The following AGAP2 variants were observed in gnomAD, a reference collection of about 807,000 sequenced individuals.
AGAP2 encodes the protein arf-GAP with GTPase, ANK repeat and PH domain-containing protein 2.
A neutral mutation model predicts 110.9 loss-of-function variants in AGAP2; 32 were observed. The ratio of observed to expected loss-of-function variants is 0.29; its 90% CI spans 0.22 to 0.39. The LOEUF is 0.39. Among genes scored for constraint, AGAP2 ranks in the 10% least tolerant of loss-of-function variants. The pLI is 1.00. For synonymous variants in AGAP2, 702 were observed against 713.0 expected, an observed-to-expected ratio of 0.98 and a Z score of 0.25; for missense variants, 1,285 against 1,638.5, an observed-to-expected ratio of 0.78 and a Z score of 3.72.
chr12:57,741,452 CGT>C (rs148891707), upstream of AGAP2, among the ~76,000 whole-genome samples: 66 of 150,666 alleles, frequency 4.4e-4, no homozygotes, highest in South Asian at 0.012. Flanking sequence ...AATGTGCATG[CGT>C]GTGTGTGTGT....
At chr12:57,741,833 T>G, upstream of AGAP2, 1 of 1,506,340 alleles carries the variant, frequency 6.6e-7, no homozygotes, top group Non-Finnish European at 9.1e-7. Context: ...GACTGGGAAT[T>G]GATATATGAT....
chr12:57,733,099 G>T, intron 5 of AGAP2, 120 bp from the exon 6 acceptor site: 1 of 1,318,408 alleles, frequency 7.6e-7, no homozygotes, highest in Non-Finnish European at 1.1e-6. Flanking sequence ...GGGTGTGAGA[G>T]ATCATCTTTT....
At chr12:57,727,804 G>A in intron 15 of AGAP2, 33 bp from the exon 16 acceptor site, 1 of 1,573,212 alleles carries the variant, frequency 6.4e-7, no homozygotes, top group Non-Finnish European at 8.6e-7. Context: ...CACTGACTCT[G>A]CCTCCAAGCC....
chr12:57,741,468 TATGTGTGTGC>T (rs1193268509), upstream of AGAP2, among the ~76,000 whole-genome samples: 1 of 152,110 alleles, frequency 6.6e-6, no homozygotes, highest in Non-Finnish European at 1.5e-5. Context: ...TGTGTGTGTG[TATGTGTGTGC>T]ATGTGTTTCT....
At chr12:57,728,198 G>A (rs1393549166) in intron 14 of AGAP2, 113 bp from the exon 15 acceptor site, 18 of 1,518,232 alleles carry the variant, frequency 1.2e-5, no homozygotes, top group Non-Finnish European at 1.6e-5. Flanking sequence ...GGGGCAGTGG[G>A]GGTAGGGAAA....
At chr12:57,727,863 G>A in intron 15 of AGAP2, 74 bp downstream of exon 15, 3 of 1,602,706 alleles carry the variant, frequency 1.9e-6, no homozygotes, top group South Asian at 1.1e-5. Flanking sequence ...GACTTCGGCC[G>A]TGTCGTTGCC....
In AGAP2 at chr12:57,727,059, G is replaced by T. The variant is rs1954781051; in HGVS notation, c.3251C>A (p.Thr1084Asn). ...LAHARHGPLD[T>N]SVEDPQLRSP... Reference sequence around the variant, plus strand: ...GCGCAGCTGTGGGTCCTCTACGCTGGTGTCGAGCGGCCCGTGTCGCGCATG... The same window carrying T: ...GCGCAGCTGTGGGTCCTCTACGCTGTTGTCGAGCGGCCCGTGTCGCGCATG... The change falls in exon 18 of 19, where the codon ACC becomes AAC. Residue 1084 changes from threonine to asparagine, a missense_variant. By Grantham distance (65) the Thr-to-Asn change is moderately conservative. Transcript: ENST00000547588. 1 of 1,601,970 alleles carries T rather than the reference G, an allele frequency of 6.2e-7. No homozygotes were observed. The highest frequency in any genetic ancestry group is 1.1e-5 in the South Asian group (1 of 89,678).
upstream of AGAP2, among the ~76,000 whole-genome samples, chr12:57,740,233 C>T (rs994439435): frequency 2.0e-5 from 3 of 152,104 alleles, no homozygotes; most frequent in South Asian, 6.2e-4. Context: ...GGGGCTGAGC[C>T]AGGATGCCAG....
At chr12:57,734,700 C>G (rs1954948164) in intron 2 of AGAP2, 21 bp from the exon 3 acceptor site, 1 of 1,612,236 alleles carries the variant, frequency 6.2e-7, no homozygotes, top group East Asian at 2.2e-5. Context: ...GGTTGTGGAG[C>G]AGAAATTGTG....
At chr12:57,733,067 C>A in intron 5 of AGAP2, 88 bp from the exon 6 acceptor site, 1 of 1,549,474 alleles carries the variant, frequency 6.5e-7, no homozygotes, top group Non-Finnish European at 8.8e-7. Flanking sequence ...ACTGGGCCCT[C>A]AGGCTGGGTC....
At chr12:57,732,304 C>T (rs969696443) in intron 7 of AGAP2, 99 bp downstream of exon 7, 115 of 1,127,140 alleles carry the variant, frequency 1.0e-4, no homozygotes, top group South Asian at 4.4e-4. Context: ...TCTGTTTCCC[C>T]ACTCCCTGAA....
At position 57,738,322 on chromosome 12, in the gene AGAP2, C is replaced by T; in HGVS notation, c.-76G>A. 7.5e-7 allele frequency: 1 copy of T among 1,339,724 alleles called. No homozygotes were observed. The highest frequency in any genetic ancestry group is 3.2e-5 in the East Asian group (1 of 30,914). The allele number at this position is 1,339,724 out of a possible 1,614,324, so 83.0% of individuals were successfully genotyped here. On this transcript the variant is annotated 5_prime_UTR_variant, in exon 1 of 19. Coordinates refer to ENST00000547588, the MANE Select transcript of AGAP2 (RefSeq NM_001122772.3). This position sits in a 1 kb window ranked among gnomAD's most constrained non-coding sequence, Gnocchi z 6.7. Reference sequence around the variant, plus strand: ...CCTCAGGGGGGCCCGGCCATGGGGCCGCCCTGCTCGCTGCCCCCAGCCCCC... The same window carrying T: ...CCTCAGGGGGGCCCGGCCATGGGGCTGCCCTGCTCGCTGCCCCCAGCCCCC...
At position 57,729,834 on chromosome 12, in the gene AGAP2, G is replaced by A. The variant is rs371628833; in HGVS notation, c.2429-67C>T. On this transcript the variant is annotated intron_variant, in intron 12 of 18. Coordinates refer to ENST00000547588, the MANE Select transcript of AGAP2 (RefSeq NM_001122772.3). ...AGATTTCCTGATTTCTTGATAGCCT[G>A]TCTCATTCCCTGAACTAGCTTTGGC... The A allele has an allele frequency of 3.6e-5, 56 of 1,536,290 alleles. 2 individuals carry two copies. The highest frequency in any genetic ancestry group is 2.3e-4 in the Admixed American group (11 of 47,854).
chr12:57,727,631 C>G, intron 16 of AGAP2, 49 bp from the exon 17 acceptor site: 1 of 1,590,108 alleles, frequency 6.3e-7, no homozygotes, highest in Non-Finnish European at 8.5e-7. Context: ...GCACAGGCAC[C>G]CCGGCATTCA....
rs888043532 is a variant in AGAP2, at chr12:57,725,261, T to TG, written c.*1290dup. 7 of 142,060 alleles carry TG rather than the reference T, an allele frequency of 4.9e-5. No homozygotes were observed. The highest frequency in any genetic ancestry group is 1.5e-5 in the Non-Finnish European group (1 of 66,172). 8.8% of individuals were successfully genotyped at this position (142,060 alleles called of 1,614,324 possible). ...ATTCACACCACTGCCTCCAAGGAGA[T>TG]GGGGGGGCATTTCCCCCTTGCCCCC... is the stretch of plus-strand genomic sequence containing the variant. On this transcript the variant is annotated 3_prime_UTR_variant, in exon 19 of 19. Coordinates refer to ENST00000547588, the MANE Select transcript of AGAP2 (RefSeq NM_001122772.3).
chr12:57,738,213 T>C lies in AGAP2; in HGVS notation c.34A>G (p.Thr12Ala). 1.3e-6 allele frequency: 2 copies of C among 1,523,462 alleles called. No homozygotes were observed. Among genetic ancestry groups the C allele is most frequent in the Non-Finnish European group, 1.8e-6 (2 of 1,140,794 alleles). The allele number at this position is 1,523,462 out of a possible 1,614,324, so 94.4% of individuals were successfully genotyped here. Reference protein sequence around the residue: ...SRGAGALQRRTTTYLISLTLV... With the variant: ...SRGAGALQRRATTYLISLTLV... ...GTCAGCGAGATGAGGTAGGTCGTTGTCCGGCGCTGAAGCGCGCCCGCGCCC... is the reference window on the plus strand; with the variant it reads ...GTCAGCGAGATGAGGTAGGTCGTTGCCCGGCGCTGAAGCGCGCCCGCGCCC... Residue 12 changes from threonine (T) to alanine (A), a missense_variant, in exon 1 of 19, where the codon ACA becomes GCA. Coordinates refer to ENST00000547588, the MANE Select transcript of AGAP2 (RefSeq NM_001122772.3). The surrounding 1 kb of genome is among the most constrained non-coding windows in gnomAD (Gnocchi z 6.7).
upstream of AGAP2, chr12:57,742,083 C>G: frequency 6.2e-7 from 1 of 1,611,384 alleles, no homozygotes; most frequent in Non-Finnish European, 8.5e-7. Context: ...TTGCCCAGAC[C>G]TGTCTTGCCA....
chr12:57,741,650 C>T (rs945297519), upstream of AGAP2, among the ~76,000 whole-genome samples: 31 of 152,156 alleles, frequency 2.0e-4, no homozygotes, highest in African/African-American at 7.5e-4. Context: ...CTTCCCCATG[C>T]TCACACATTT....
chr12:57,737,671 G>T lies in AGAP2; in HGVS notation c.576C>A (p.Thr192=), dbSNP rs1465782857. The T allele has an allele frequency of 1.9e-6, 3 of 1,549,066 alleles. No individual in the cohort carries two copies. In the South Asian group the frequency reaches 3.6e-5, roughly 18 times the overall value. ...CGGCTTTGGCTCCACTCGTGGTCACGGTCTTGCAAGGCTTGGGAGCCGGCG... is the reference window on the plus strand; with the variant it reads ...CGGCTTTGGCTCCACTCGTGGTCACTGTCTTGCAAGGCTTGGGAGCCGGCG... ...PPPPAPKPCK[T]VTTSGAKAGG... The change falls in exon 1 of 19, where the codon ACC becomes ACA. Residue 192 remains threonine, a synonymous_variant. Coordinates refer to ENST00000547588, the MANE Select transcript of AGAP2 (RefSeq NM_001122772.3). This position sits in a 1 kb window ranked among gnomAD's most constrained non-coding sequence, Gnocchi z 5.9.
Sources: allele counts gnomAD v4.1 joint callset (sites outside exome capture counted in the v4.1 genomes callset), GRCh38; gene constraint gnomAD v4.1.1; non-coding constraint Gnocchi (gnomAD v3.1); transcripts MANE v1.5; gene names NCBI Gene and HGNC (gene_info 2026-07-23, HGNC 2026-07-21).